The following ADRA1D variants were observed in gnomAD, a reference collection of about 807,000 sequenced individuals.
ADRA1D encodes the protein adrenoceptor alpha 1D.
Under a neutral mutation model 18.6 loss-of-function variants are expected in ADRA1D, and 22 were observed. That is an observed-to-expected ratio of 1.19 (90% confidence interval 0.85 to 1.69). ADRA1D has a LOEUF of 1.69. Among genes scored for constraint, ADRA1D ranks in the 40% most tolerant of loss-of-function variants. The probability of loss-of-function intolerance (pLI) is 0.00; values close to 1 mark genes in which losing one functional copy is unlikely to be tolerated. For synonymous variants in ADRA1D, 376 were observed against 388.2 expected (o/e 0.97, Z 0.37); for missense variants, 840 against 840.7 (o/e 1.00, Z 0.01).
At chr20:4,227,900 C>G (rs2122659029) in intron 1 of ADRA1D, among the ~76,000 whole-genome samples, 1 of 151,448 alleles carries the variant, frequency 6.6e-6, no homozygotes, top group East Asian at 2.0e-4. Flanking sequence ...AGCCACTGCT[C>G]CTGGCCCCTG....
In ADRA1D at chr20:4,221,350, T is replaced by G; in HGVS notation, c.*173A>C. 1 of 712,476 alleles carries G rather than the reference T, an allele frequency of 1.4e-6. No homozygotes were observed. 44.1% of individuals were successfully genotyped at this position (712,476 alleles called of 1,614,324 possible). A position where few individuals can be genotyped will look rare whatever the true frequency, so the allele number is the denominator to read the frequency against. ...CAGGGGGCCCCACTACTTTTCACCT[T>G]TCAAGGGCTCCAGCCTCAAGCTCTG... On this transcript the variant is annotated 3_prime_UTR_variant, in exon 2 of 2. Transcript: ENST00000379453.
chr20:4,248,198 A>G lies in ADRA1D; in HGVS notation c.760T>C (p.Tyr254His). Residue 254 changes from tyrosine (Y) to histidine (H), a missense_variant, in exon 1 of 2, where the codon TAC becomes CAC. By Grantham distance (83) the Tyr-to-His change is moderately conservative. Transcript: ENST00000379453. Reference protein sequence around the residue: ...RFCGITEEAGYAVFSSVCSFY... With the variant: ...RFCGITEEAGHAVFSSVCSFY... ...GAGCACACGGAGGAGAAGACAGCGT[A>G]GCCCGCCTCCTCGGTGATACCGCAG... The G allele has an allele frequency of 6.3e-7, 1 of 1,590,322 alleles. No homozygotes were observed. Among genetic ancestry groups the G allele is most frequent in the Non-Finnish European group, 8.6e-7 (1 of 1,168,480 alleles).
chr20:4,224,785 G>C (rs1169504243), intron 1 of ADRA1D, among the ~76,000 whole-genome samples: 2 of 151,728 alleles, frequency 1.3e-5, no homozygotes, highest in Non-Finnish European at 2.9e-5. Flanking sequence ...AAAGAGCAGG[G>C]ATCCCTACTG....
chr20:4,231,026 C>CTTTT (rs1555821005), intron 1 of ADRA1D, among the ~76,000 whole-genome samples: 2,586 of 122,156 alleles, frequency 0.021, 101 homozygotes, highest in African/African-American at 0.052. Flanking sequence ...TTTTCTCTTT[C>CTTTT]TCTTTCTTTC....
chr20:4,238,237 A>G (rs1388967577), intron 1 of ADRA1D, among the ~76,000 whole-genome samples: 2 of 152,030 alleles, frequency 1.3e-5, no homozygotes, highest in African/African-American at 2.4e-5. Flanking sequence ...TGGGTGACAG[A>G]GCAAGACCCT....
chr20:4,238,986 G>A (rs1981156423), intron 1 of ADRA1D, among the ~76,000 whole-genome samples: 2 of 152,042 alleles, frequency 1.3e-5, no homozygotes, highest in South Asian at 4.2e-4. Flanking sequence ...CAAGGCTGGG[G>A]TTGATGAGCA....
At chr20:4,240,802 C>A (rs911633653) in intron 1 of ADRA1D, among the ~76,000 whole-genome samples, 19 of 152,066 alleles carry the variant, frequency 1.2e-4, no homozygotes, top group African/African-American at 3.4e-4. Flanking sequence ...AAAAAACAAA[C>A]AAACAAAAAT....
At chr20:4,227,597 T>G (rs1486374222) in intron 1 of ADRA1D, among the ~76,000 whole-genome samples, 1 of 152,072 alleles carries the variant, frequency 6.6e-6, no homozygotes, top group Non-Finnish European at 1.5e-5. Context: ...TGTATCACCT[T>G]CATGTTACTA....
At chr20:4,238,252 CAAAAAATA>C (rs1981142453) in intron 1 of ADRA1D, among the ~76,000 whole-genome samples, 1 of 150,292 alleles carries the variant, frequency 6.7e-6, no homozygotes, top group South Asian at 2.1e-4. Context: ...GACCCTGTCT[CAAAAAATA>C]AAAAACAAAT....
chr20:4,221,279 G>GT lies in ADRA1D; in HGVS notation c.*243_*244insA, dbSNP rs896945077. The GT allele has an allele frequency of 4.6e-6, 2 of 432,778 alleles. No homozygotes were observed. Among genetic ancestry groups the GT allele is most frequent in the African/African-American group, 4.1e-5 (2 of 48,846 alleles). 26.8% of individuals were successfully genotyped at this position (432,778 alleles called of 1,614,324 possible). On this transcript the variant is annotated 3_prime_UTR_variant, in exon 2 of 2. Transcript: ENST00000379453. ...GGGAGCAAAAGGCCCCACGGAGCCC[G>GT]CAGCCTCTCCCTTCTAAGAAAAGAG...
chr20:4,229,372 G>A lies in ADRA1D; in HGVS notation c.1112-7242C>T, dbSNP rs139163328. On this transcript the variant is annotated intron_variant, in intron 1 of 1. Transcript: ENST00000379453. ...CAGGATAAACAAGGAAAATGTAAAG[G>A]TATCAAAGAGTAAAGGTATACTAAG... Among the ~76,000 whole-genome samples, 767 of 152,094 alleles carry A rather than the reference G, an allele frequency of 5.0e-3. 8 individuals carry two copies. The highest frequency in any genetic ancestry group is 0.024 in the Middle Eastern group (7 of 294).
intron 1 of ADRA1D, among the ~76,000 whole-genome samples, chr20:4,241,763 G>A (rs534162839): frequency 2.6e-5 from 4 of 152,258 alleles, no homozygotes; most frequent in African/African-American, 7.2e-5. Context: ...GCACCTGGCC[G>A]ACTCTCAGAC....
rs982328949 is a variant in ADRA1D, at chr20:4,221,933, G to A, written c.1309C>T (p.His437Tyr). The A allele has an allele frequency of 2.0e-6, 3 of 1,535,912 alleles. No homozygotes were observed. The highest frequency in any genetic ancestry group is 1.8e-6 in the Non-Finnish European group (2 of 1,141,738). Residue 437 changes from histidine (H) to tyrosine (Y), a missense_variant, in exon 2 of 2, where the codon CAC (histidine) becomes TAC (tyrosine). By Grantham distance (83) the His-to-Tyr change is moderately conservative. Transcript: ENST00000379453. ...RRPLWRVYGH[H>Y]WRASTSGLRQ... ...AGGCCGCTGGTGGAGGCCCGCCAGTGGTGGCCGTAGACACGCCAGAGAGGG... is the reference window on the plus strand; with the variant it reads ...AGGCCGCTGGTGGAGGCCCGCCAGTAGTGGCCGTAGACACGCCAGAGAGGG...
At chr20:4,246,901 C>T (rs1490691009) in intron 1 of ADRA1D, among the ~76,000 whole-genome samples, 1 of 152,180 alleles carries the variant, frequency 6.6e-6, no homozygotes, top group Non-Finnish European at 1.5e-5. Context: ...CCTGACTCAG[C>T]CTGGCAGTGT....
chr20:4,232,678 C>T (rs1361117803), intron 1 of ADRA1D, among the ~76,000 whole-genome samples: 1 of 152,232 alleles, frequency 6.6e-6, no homozygotes, highest in African/African-American at 2.4e-5. Context: ...TGTTGGTGCC[C>T]TGCCCAGGGG....
chr20:4,243,576 C>T (rs1192601588), intron 1 of ADRA1D, among the ~76,000 whole-genome samples: 2 of 152,264 alleles, frequency 1.3e-5, no homozygotes, highest in South Asian at 4.1e-4. Flanking sequence ...TACTAGCTAT[C>T]CCACCGGTCA....
intron 1 of ADRA1D, among the ~76,000 whole-genome samples, chr20:4,243,689 C>T (rs574624793): frequency 6.6e-5 from 10 of 152,206 alleles, no homozygotes; most frequent in African/African-American, 2.4e-4. Context: ...CCCTCTCTCT[C>T]GGTGAGGGGC....
intron 1 of ADRA1D, among the ~76,000 whole-genome samples, chr20:4,224,571 G>T (rs1048766635): frequency 1.3e-5 from 2 of 151,962 alleles, no homozygotes; most frequent in African/African-American, 4.8e-5. Context: ...CTGGATAGAG[G>T]CTGCAGGTGC....
intron 1 of ADRA1D, among the ~76,000 whole-genome samples, chr20:4,241,320 G>A (rs1018581289): frequency 1.3e-5 from 2 of 152,150 alleles, no homozygotes; most frequent in Non-Finnish European, 2.9e-5. Flanking sequence ...AGTTCTAGGG[G>A]TCTGATGTGC....
Sources: allele counts gnomAD v4.1 joint callset (sites outside exome capture counted in the v4.1 genomes callset), GRCh38; gene constraint gnomAD v4.1.1; transcripts MANE v1.5; gene names NCBI Gene and HGNC (gene_info 2026-07-23, HGNC 2026-07-21).